The following OXR1 variants were observed in gnomAD, a reference collection of about 807,000 sequenced individuals.
OXR1 encodes the protein oxidation resistance 1, also known as oxidation resistance protein 1.
A neutral mutation model predicts 104.6 loss-of-function variants in OXR1; 41 were observed. The ratio of observed to expected loss-of-function variants is 0.39; its 90% CI spans 0.31 to 0.51. The LOEUF (loss-of-function observed/expected upper bound fraction) is 0.51, where lower values mean the gene tolerates loss of function less well. OXR1 is among the 20% of genes least tolerant of loss of function. OXR1 has a pLI of 0.77. For missense variants in OXR1, 955 were observed against 1,031.9 expected (o/e 0.93, Z 1.02); for synonymous variants, 348 against 348.4 (o/e 1.00, Z 0.01).
intron 2 of OXR1, among the ~76,000 whole-genome samples, chr8:106,414,335 T>A (rs1254010030): frequency 3.9e-5 from 6 of 152,084 alleles, no homozygotes; most frequent in African/African-American, 1.4e-4. Context: ...TCCTGTGTAA[T>A]TCCGAGAGGG....
intron 3 of OXR1, among the ~76,000 whole-genome samples, chr8:106,569,634 T>C (rs1817330625): frequency 6.6e-6 from 1 of 152,188 alleles, no homozygotes; most frequent in Non-Finnish European, 1.5e-5. Flanking sequence ...TTCTGTCTTG[T>C]CTTACTAATT....
At chr8:106,402,080 G>C (rs1818026834) in intron 2 of OXR1, among the ~76,000 whole-genome samples, 1 of 152,136 alleles carries the variant, frequency 6.6e-6, no homozygotes. Flanking sequence ...CAGGTACTAG[G>C]GGATGTGTTA....
chr8:106,480,092 G>C (rs960536927), intron 2 of OXR1, among the ~76,000 whole-genome samples: 1 of 151,912 alleles, frequency 6.6e-6, no homozygotes, highest in Non-Finnish European at 1.5e-5. Context: ...GGGATCCTCT[G>C]TTACCCCACA....
At chr8:106,412,825 T>A (rs1198464562) in intron 2 of OXR1, among the ~76,000 whole-genome samples, 1 of 152,132 alleles carries the variant, frequency 6.6e-6, no homozygotes, top group East Asian at 1.9e-4. Context: ...AGAAAAATTA[T>A]TTTTCCTTAA....
intron 2 of OXR1, among the ~76,000 whole-genome samples, chr8:106,420,897 C>T (rs1818877919): frequency 6.6e-6 from 1 of 151,864 alleles, no homozygotes; most frequent in African/African-American, 2.4e-5. Context: ...ACAATGAAGA[C>T]CCACACTATA....
intron 3 of OXR1, among the ~76,000 whole-genome samples, chr8:106,667,423 A>G (rs949793283): frequency 2.6e-5 from 4 of 152,134 alleles, no homozygotes; most frequent in African/African-American, 4.8e-5. Flanking sequence ...TTATGATGCA[A>G]GTTAATAAAA....
intron 3 of OXR1, among the ~76,000 whole-genome samples, chr8:106,641,530 G>C (rs969740504): frequency 2.0e-5 from 3 of 152,202 alleles, no homozygotes; most frequent in Non-Finnish European, 2.9e-5. Context: ...GTTGCCAGAG[G>C]TGTAAGGTGG....
At chr8:106,549,512 T>C (rs1445005878) in intron 3 of OXR1, among the ~76,000 whole-genome samples, 1 of 152,196 alleles carries the variant, frequency 6.6e-6, no homozygotes, top group Admixed American at 6.5e-5. Context: ...TTCTTACTAA[T>C]TTCCTCATAT....
intron 2 of OXR1, among the ~76,000 whole-genome samples, chr8:106,366,668 T>G (rs1173333509): frequency 6.6e-6 from 1 of 152,194 alleles, no homozygotes; most frequent in Non-Finnish European, 1.5e-5. Context: ...AAAGCTTAGC[T>G]GTGAGATAAT....
intron 3 of OXR1, among the ~76,000 whole-genome samples, chr8:106,647,149 A>C (rs1023679642): frequency 6.6e-6 from 1 of 152,202 alleles, no homozygotes; most frequent in African/African-American, 2.4e-5. Context: ...CTTGACTGCC[A>C]TGCAGTGTTT....
chr8:106,288,769 G>A (rs1266807483), intron 1 of OXR1, among the ~76,000 whole-genome samples: 1 of 147,692 alleles, frequency 6.8e-6, no homozygotes, highest in African/African-American at 2.5e-5. Flanking sequence ...ATATATATGT[G>A]TATATAAATA....
At chr8:106,524,798 G>A (rs1411961180) in intron 3 of OXR1, among the ~76,000 whole-genome samples, 1 of 152,090 alleles carries the variant, frequency 6.6e-6, no homozygotes, top group African/African-American at 2.4e-5. Flanking sequence ...AATGAGGGAG[G>A]GGGCAGCAGG....
intron 3 of OXR1, among the ~76,000 whole-genome samples, chr8:106,553,323 T>C (rs573439555): frequency 1.3e-4 from 19 of 147,830 alleles, no homozygotes; most frequent in African/African-American, 4.4e-4. Flanking sequence ...TTTTCTTCTT[T>C]TTTTTTTTTT....
rs71307084 is a variant in OXR1, at chr8:106,704,393, C to CTTTTTTTT, written c.860+1327_860+1334dup. On this transcript the variant is annotated intron_variant, in intron 8 of 16. Transcript: ENST00000517566. ...TTTTTCTTTTTCTTTCTTTCTTCTT[C>CTTTTTTTT]TTTTTTTTTTTTTTTTTTTTTTTTT... Among the ~76,000 whole-genome samples, 83 of 47,870 alleles carry CTTTTTTTT rather than the reference C, an allele frequency of 1.7e-3. 1 individual carries two copies. The highest frequency in any genetic ancestry group is 4.3e-3 in the African/African-American group (43 of 9,924). The allele number at this position is 47,870 out of a possible 152,430, so 31.4% of individuals were successfully genotyped here. A position where few individuals can be genotyped will look rare whatever the true frequency, so the allele number is the denominator to read the frequency against.
intron 13 of OXR1, 34 bp downstream of exon 13, chr8:106,739,617 G>GT: frequency 6.2e-7 from 1 of 1,607,460 alleles, no homozygotes; most frequent in Non-Finnish European, 8.5e-7. Context: ...ATTTCTGAGT[G>GT]TGAGTGTGTA....
At chr8:106,504,341 A>G (rs1397566576) in intron 2 of OXR1, among the ~76,000 whole-genome samples, 1 of 152,182 alleles carries the variant, frequency 6.6e-6, no homozygotes, top group Admixed American at 6.5e-5. Context: ...ATGTAGAGCA[A>G]CTAAGTGTTT....
chr8:106,288,458 C>G (rs1216255053), intron 1 of OXR1, among the ~76,000 whole-genome samples: 1 of 151,464 alleles, frequency 6.6e-6, no homozygotes, highest in Non-Finnish European at 1.5e-5. Flanking sequence ...GTGGTTCTGA[C>G]CAGAATTGAT....
At chr8:106,372,336 G>A (rs1463893352) in intron 2 of OXR1, among the ~76,000 whole-genome samples, 1 of 152,010 alleles carries the variant, frequency 6.6e-6, no homozygotes, top group Non-Finnish European at 1.5e-5. Context: ...AGTCACACCA[G>A]CCTTCTAATC....
At position 106,433,670 on chromosome 8, in the gene OXR1, T is replaced by C. The variant is rs1012846176; in HGVS notation, c.23+74034T>C. Among the ~76,000 whole-genome samples, 17 of 152,318 alleles carry C rather than the reference T, an allele frequency of 1.1e-4. No homozygotes were observed. The East Asian group carries it at 2.9e-3, about 26-fold the overall frequency. ...TCTGATTTCTTTCACTGTTATAATG[T>C]TCTCCGTTACAATTTTGCAAAGGCG... is the stretch of plus-strand genomic sequence containing the variant. On this transcript the variant is annotated intron_variant, in intron 2 of 16. Coordinates refer to ENST00000517566, the MANE Select transcript of OXR1 (RefSeq NM_001198533.2).
Sources: allele counts gnomAD v4.1 joint callset (sites outside exome capture counted in the v4.1 genomes callset), GRCh38; gene constraint gnomAD v4.1.1; transcripts MANE v1.5; gene names NCBI Gene and HGNC (gene_info 2026-07-23, HGNC 2026-07-21).